The following VRK2 variants were observed in gnomAD, a reference collection of about 807,000 sequenced individuals.
VRK2 encodes the protein serine/threonine-protein kinase VRK2.
A neutral mutation model predicts 57.6 loss-of-function variants in VRK2; 60 were observed. The observed-to-expected ratio is 1.04, with a 90% CI of 0.85 to 1.29. The LOEUF (loss-of-function observed/expected upper bound fraction) is 1.29, where lower values mean the gene tolerates loss of function less well. VRK2 is among the 50% of genes most tolerant of loss of function. The probability of loss-of-function intolerance (pLI) is 0.00; values close to 1 mark genes in which losing one functional copy is unlikely to be tolerated. For synonymous variants in VRK2, 231 were observed against 199.2 expected, an observed-to-expected ratio of 1.16 and a Z score of -1.35; for missense variants, 705 against 588.1, an observed-to-expected ratio of 1.20 and a Z score of -2.06.
chr2:58,011,067 T>C (rs1245862289), intron 1 of VRK2, among the ~76,000 whole-genome samples: 2 of 152,204 alleles, frequency 1.3e-5, no homozygotes, highest in East Asian at 1.9e-4. Context: ...GCATTGTTTT[T>C]AGAACCAATC....
At chr2:57,952,841 C>G (rs1671469395) in intron 1 of VRK2, among the ~76,000 whole-genome samples, 1 of 152,044 alleles carries the variant, frequency 6.6e-6, no homozygotes. Flanking sequence ...GCCATCTCCA[C>G]TGAAACCTAA....
At chr2:58,048,118 A>C (rs1675140532) in intron 1 of VRK2, among the ~76,000 whole-genome samples, 2 of 152,244 alleles carry the variant, frequency 1.3e-5, no homozygotes, top group South Asian at 4.1e-4. Flanking sequence ...TTAGTTGATT[A>C]AAGTTGCATG....
intron 2 of VRK2, among the ~76,000 whole-genome samples, chr2:58,053,048 CA>C (rs1289351395): frequency 6.6e-6 from 1 of 152,182 alleles, no homozygotes; most frequent in Non-Finnish European, 1.5e-5. Flanking sequence ...AGATGTTCAA[CA>C]GTTATTTGCC....
intron 3 of VRK2, among the ~76,000 whole-genome samples, chr2:58,037,084 C>G (rs1253799695): frequency 6.6e-6 from 1 of 151,910 alleles, no homozygotes; most frequent in Non-Finnish European, 1.5e-5. Context: ...TATAGGCATG[C>G]ACCACCATGC....
intron 1 of VRK2, among the ~76,000 whole-genome samples, chr2:57,946,400 A>G (rs565645480): frequency 6.6e-6 from 1 of 150,944 alleles, no homozygotes; most frequent in Admixed American, 6.6e-5. Flanking sequence ...ATTATGCAGC[A>G]AGAAGATTTC....
chr2:57,926,998 TTGTG>T (rs57943937), intron 1 of VRK2, among the ~76,000 whole-genome samples: 6 of 142,758 alleles, frequency 4.2e-5, no homozygotes, highest in South Asian at 2.3e-4. Flanking sequence ...TTTTAATTTC[TTGTG>T]TGTGTGTGTG....
At chr2:58,156,237 TCTG>T (rs887389465) in intron 12 of VRK2, among the ~76,000 whole-genome samples, 2 of 152,202 alleles carry the variant, frequency 1.3e-5, no homozygotes, top group Non-Finnish European at 2.9e-5. Flanking sequence ...TGTTTTTTTT[TCTG>T]CTAAGAAGTT....
chr2:57,988,727 C>T (rs1672673741), intron 1 of VRK2, among the ~76,000 whole-genome samples: 1 of 152,176 alleles, frequency 6.6e-6, no homozygotes, highest in African/African-American at 2.4e-5. Flanking sequence ...CTTCCCAGAC[C>T]TTCAACTCCC....
chr2:58,081,117 C>G (rs541029407), intron 2 of VRK2, among the ~76,000 whole-genome samples: 2 of 151,930 alleles, frequency 1.3e-5, no homozygotes, highest in Admixed American at 6.6e-5. Flanking sequence ...TGGCCTGCTG[C>G]TCTGTTTTGG....
chr2:58,105,942 A>G (rs1674686970), intron 7 of VRK2, among the ~76,000 whole-genome samples: 1 of 151,960 alleles, frequency 6.6e-6, no homozygotes, highest in African/African-American at 2.4e-5. Flanking sequence ...GTCAAATTAT[A>G]TCAGCTAACA....
At chr2:58,012,394 T>C (rs1342923095) in intron 1 of VRK2, among the ~76,000 whole-genome samples, 1 of 152,208 alleles carries the variant, frequency 6.6e-6, no homozygotes, top group Non-Finnish European at 1.5e-5. Context: ...CCCTTTCCTG[T>C]AACATGAGCA....
At chr2:58,071,489 C>G (rs1243451844) in intron 2 of VRK2, among the ~76,000 whole-genome samples, 2 of 152,032 alleles carry the variant, frequency 1.3e-5, no homozygotes, top group African/African-American at 4.8e-5. Context: ...AGATCAGTGT[C>G]TAGATTCACA....
intron 2 of VRK2, among the ~76,000 whole-genome samples, chr2:58,081,036 T>C (rs969392220): frequency 6.6e-6 from 1 of 151,998 alleles, no homozygotes; most frequent in Non-Finnish European, 1.5e-5. Context: ...TTGTCTTACT[T>C]AAGGAACTCA....
intron 2 of VRK2, among the ~76,000 whole-genome samples, chr2:58,069,226 G>T (rs1669055248): frequency 6.6e-6 from 1 of 152,074 alleles, no homozygotes; most frequent in Non-Finnish European, 1.5e-5. Context: ...CTGTGTTTGG[G>T]GTACAGTGTT....
At chr2:58,052,600 C>CAA (rs79413397) in intron 2 of VRK2, among the ~76,000 whole-genome samples, 753 of 73,348 alleles carry the variant, frequency 0.01, 15 homozygotes, top group African/African-American at 0.03. Flanking sequence ...GAGACTGTCT[C>CAA]AAAAAAAAAA....
At position 57,999,176 on chromosome 2, in the gene VRK2, G is replaced by A. The variant is rs373984440; in HGVS notation, c.-438-26489G>A. Among the ~76,000 whole-genome samples the A allele has an allele frequency of 2.4e-4, 36 of 152,146 alleles. No individual in the cohort carries two copies. In the East Asian group the frequency reaches 4.1e-3, roughly 17 times the overall value. ...AACACCTCCATCTTAAATCAACTTC[G>A]TCACTCTGTATAAGAATATCTTTGT... is the stretch of plus-strand genomic sequence containing the variant. On this transcript the variant is annotated intron_variant, in intron 1 of 15. Coordinates refer to the VRK2 transcript ENST00000417641.
In VRK2 at chr2:57,923,523, G is replaced by GTT. The variant is rs34967704; in HGVS notation, c.-439+15693_-439+15694dup. ...TCATATGCCTGTTTGCCATTTGTAT[G>GTT]TTTTTTTTTTGAGAAATGTCTATTC... On this transcript the variant is annotated intron_variant, in intron 1 of 15. Coordinates refer to the VRK2 transcript ENST00000417641. Among the ~76,000 whole-genome samples the GTT allele has an allele frequency of 2.3e-3, 342 of 148,626 alleles. 3 individuals carry two copies. The highest frequency in any genetic ancestry group is 3.7e-3 in the East Asian group (19 of 5,086).
intron 1 of VRK2, among the ~76,000 whole-genome samples, chr2:57,930,070 G>C (rs1670668845): frequency 6.6e-6 from 1 of 152,120 alleles, no homozygotes; most frequent in Non-Finnish European, 1.5e-5. Context: ...ACCCCATCTG[G>C]TGTCTCACTA....
At chr2:58,097,875 A>G (rs1404052961) in intron 7 of VRK2, among the ~76,000 whole-genome samples, 1 of 151,774 alleles carries the variant, frequency 6.6e-6, no homozygotes, top group African/African-American at 2.4e-5. Context: ...ATTATTTTAG[A>G]GTATATTCCT....
Sources: allele counts gnomAD v4.1 joint callset (sites outside exome capture counted in the v4.1 genomes callset), GRCh38; gene constraint gnomAD v4.1.1; transcripts MANE v1.5; gene names NCBI Gene and HGNC (gene_info 2026-07-23, HGNC 2026-07-21).